The following USP50 variants were observed in gnomAD, a reference collection of about 807,000 sequenced individuals.
USP50 encodes ubiquitin specific peptidase 50, also known as ubiquitin carboxyl-terminal hydrolase 50.
A neutral mutation model predicts 39.2 loss-of-function variants in USP50; 37 were observed. That is an observed-to-expected ratio of 0.94 (90% confidence interval 0.73 to 1.24). The LOEUF (loss-of-function observed/expected upper bound fraction) is 1.24. USP50 is among the 50% of genes most tolerant of loss of function. The pLI is 0.00. For synonymous variants in USP50, 139 were observed against 144.5 expected (o/e 0.96, Z 0.27); for missense variants, 374 against 398.2 (o/e 0.94, Z 0.52).
intron 6 of USP50, among the ~76,000 whole-genome samples, chr15:50,527,792 A>G (rs1464993777): frequency 1.3e-5 from 2 of 151,100 alleles, no homozygotes; most frequent in African/African-American, 4.9e-5. Context: ...ATGCCACCAC[A>G]CCCAGCTAAT....
In USP50 at chr15:50,529,838, T is replaced by A. The variant is rs1397126811; in HGVS notation, c.895A>T (p.Ile299Phe). 2.1e-5 allele frequency: 34 copies of A among 1,613,882 alleles called. No homozygotes were observed. Among genetic ancestry groups the A allele is most frequent in the Non-Finnish European group, 2.8e-5 (33 of 1,179,876 alleles). The part of the protein sequence containing the change: ...NLDLTPYICS[I>F]FRKYPKYNLC... ...TTGTATTTAGGATATTTCCGGAAAATTGAGCAAATATAAGGAGTGAGGTCC... is the reference window on the plus strand; with the variant it reads ...TTGTATTTAGGATATTTCCGGAAAAATGAGCAAATATAAGGAGTGAGGTCC... The change falls in exon 6 of 7, where the codon ATT (isoleucine) becomes TTT (phenylalanine). Residue 299 changes from isoleucine to phenylalanine, a missense_variant. Transcript: ENST00000532404.
At chr15:50,546,074 C>A (rs1177810730) in intron 1 of USP50, among the ~76,000 whole-genome samples, 1 of 151,804 alleles carries the variant, frequency 6.6e-6, no homozygotes, top group Non-Finnish European at 1.5e-5. Flanking sequence ...CTTCCTCTTA[C>A]AATTTTTTGT....
intron 6 of USP50, chr15:50,508,307 A>T (rs2052691613): frequency 6.6e-6 from 1 of 152,298 alleles, no homozygotes; most frequent in African/African-American, 2.4e-5. Flanking sequence ...AGAATGTCTT[A>T]AAAATAATAC....
At chr15:50,525,215 T>C (rs1268070226) in intron 6 of USP50, among the ~76,000 whole-genome samples, 1 of 152,110 alleles carries the variant, frequency 6.6e-6, no homozygotes, top group African/African-American at 2.4e-5. Context: ...GTGGAATCTA[T>C]TGAACTCACT....
intron 6 of USP50, chr15:50,501,103 T>G: frequency 2.7e-6 from 1 of 376,038 alleles, no homozygotes; most frequent in Non-Finnish European, 5.1e-6. Context: ...TGTTTATCAG[T>G]GAACATTTAG....
intron 6 of USP50, chr15:50,512,855 T>C (rs2141354380): frequency 6.6e-6 from 1 of 152,192 alleles, no homozygotes; most frequent in African/African-American, 2.4e-5. Context: ...AATTCTGTGG[T>C]ATGTGAACTA....
chr15:50,546,411 C>T, intron 1 of USP50, 62 bp downstream of exon 1: 1 of 1,586,030 alleles, frequency 6.3e-7, no homozygotes, highest in South Asian at 1.1e-5. Context: ...CCCCTGACTC[C>T]TCTGAGCTTG....
intron 6 of USP50, 88 bp downstream of exon 6, chr15:50,529,709 G>A: frequency 6.9e-7 from 1 of 1,444,362 alleles, no homozygotes; most frequent in Non-Finnish European, 9.3e-7. Context: ...CATAAGCCAG[G>A]GAGAGACAGG....
At chr15:50,506,384 G>A (rs2052658826) in intron 6 of USP50, 1 of 152,116 alleles carries the variant, frequency 6.6e-6, no homozygotes, top group African/African-American at 2.4e-5. Flanking sequence ...TCTAGGTTGC[G>A]TGCTCCTTAT....
At chr15:50,513,252 T>A (rs1283969796) in intron 6 of USP50, 1 of 152,172 alleles carries the variant, frequency 6.6e-6, no homozygotes, top group African/African-American at 2.4e-5. Context: ...TATGCAGGAA[T>A]GTCTGCATAA....
At position 50,494,299 on chromosome 15, in the gene USP50, C is replaced by CTAAG. The variant is rs754382753; in HGVS notation, n.185-173_185-170dup. The CTAAG allele has an allele frequency of 1.5e-5, 23 of 1,582,814 alleles. No homozygotes were observed. The African/African-American group carries it at 2.9e-4, about 20-fold the overall frequency. ...AAATAAAGTAAGAAATTTGATTTTT[C>CTAAG]TAAGTTGCAGAGACTCTTTAGGGTT... On this transcript the variant is annotated intron_variant and non_coding_transcript_variant, in intron 1 of 1. Transcript: ENST00000560159.
intron 6 of USP50, chr15:50,513,163 G>A (rs2052759703): frequency 6.6e-6 from 1 of 152,118 alleles, no homozygotes; most frequent in Admixed American, 6.6e-5. Flanking sequence ...CTTGTAGAAA[G>A]TTAAATATGC....
At chr15:50,509,164 A>G (rs994645775) in intron 6 of USP50, 1 of 136,450 alleles carries the variant, frequency 7.3e-6, no homozygotes, top group Non-Finnish European at 1.6e-5. Flanking sequence ...AAAAAAAATT[A>G]CAAAATTAGC....
At chr15:50,539,730 C>T (rs1049532186) in intron 4 of USP50, among the ~76,000 whole-genome samples, 11 of 152,264 alleles carry the variant, frequency 7.2e-5, no homozygotes, top group African/African-American at 2.4e-4. Context: ...CAGTTTTCAG[C>T]AGTGAAATCA....
At chr15:50,536,949 TA>T (rs2052984692) in intron 5 of USP50, among the ~76,000 whole-genome samples, 1 of 152,194 alleles carries the variant, frequency 6.6e-6, no homozygotes, top group Non-Finnish European at 1.5e-5. Context: ...AAAATGATTC[TA>T]AAGTTTATGG....
At chr15:50,504,030 C>T (rs1280591230) in intron 6 of USP50, 3 of 151,988 alleles carry the variant, frequency 2.0e-5, no homozygotes, top group African/African-American at 2.4e-5. Context: ...CATAGTTGGC[C>T]GTCCATATTT....
chr15:50,510,281 T>C (rs1048723595), intron 6 of USP50: 1 of 152,200 alleles, frequency 6.6e-6, no homozygotes, highest in African/African-American at 2.4e-5. Context: ...TTGGAAGATA[T>C]GTAGGTAAAT....
intron 6 of USP50, chr15:50,512,872 A>C (rs565197241): frequency 6.6e-6 from 1 of 152,280 alleles, no homozygotes; most frequent in African/African-American, 2.4e-5. Context: ...ACTATCTCTA[A>C]GAACTTCTTT....
intron 5 of USP50, among the ~76,000 whole-genome samples, chr15:50,531,245 C>G (rs1386953228): frequency 2.6e-5 from 4 of 152,046 alleles, no homozygotes; most frequent in African/African-American, 7.2e-5. Flanking sequence ...AGCCTTAGGC[C>G]CACATAACAA....
Sources: allele counts gnomAD v4.1 joint callset (sites outside exome capture counted in the v4.1 genomes callset), GRCh38; gene constraint gnomAD v4.1.1; transcripts MANE v1.5; gene names NCBI Gene and HGNC (gene_info 2026-07-23, HGNC 2026-07-21).